EFHC2: variants seen among roughly 807,000 people sequenced by gnomAD.
EFHC2 encodes EF-hand domain containing 2, also known as EF-hand domain-containing family member C2.
EFHC2 carries 18 observed loss-of-function variants against 52.7 expected under a neutral mutation model. That is an observed-to-expected ratio of 0.34 (90% confidence interval 0.24 to 0.51). EFHC2 has a LOEUF of 0.51. EFHC2 is among the 20% of genes least tolerant of loss of function. The pLI, the probability that EFHC2 is intolerant of heterozygous loss-of-function variation, is 0.97. For synonymous variants in EFHC2, 203 were observed against 204.1 expected, an observed-to-expected ratio of 0.99 and a Z score of 0.04; for missense variants, 513 against 562.5, an observed-to-expected ratio of 0.91 and a Z score of 0.89.
intron 11 of EFHC2, among the ~76,000 whole-genome samples, chrX:44,193,033 C>A (rs1439987600): frequency 6.3e-5 from 7 of 110,893 alleles, no homozygotes; most frequent in African/African-American, 2.3e-4. Context: ...TGTGGAATTA[C>A]TGATAGAACA....
intron 11 of EFHC2, among the ~76,000 whole-genome samples, 153 bp downstream of exon 11, chrX:44,229,496 C>T (rs755819272): frequency 8.0e-5 from 9 of 112,042 alleles, no homozygotes; most frequent in Non-Finnish European, 1.7e-4. Context: ...CTAGAGTATT[C>T]GTGGCCAAAA....
intron 4 of EFHC2, among the ~76,000 whole-genome samples, chrX:44,256,887 C>T (rs12009525): frequency 0.13 from 14,262 of 110,535 alleles, 890 homozygotes; most frequent in Admixed American, 0.25. Flanking sequence ...AAGATTGATG[C>T]GAAAATCCTC....
intron 3 of EFHC2, among the ~76,000 whole-genome samples, chrX:44,264,460 C>A (rs1422247071): frequency 2.7e-5 from 3 of 112,049 alleles, no homozygotes; most frequent in South Asian, 3.7e-4. Context: ...AGATCTCAAG[C>A]CCCCCAACTC....
intron 1 of EFHC2, among the ~76,000 whole-genome samples, chrX:44,313,786 T>C (rs912061987): frequency 3.6e-5 from 4 of 110,321 alleles, no homozygotes; most frequent in African/African-American, 1.3e-4. Context: ...AAACCCCATC[T>C]CTACTAAAAA....
At chrX:44,181,717 C>T (rs1490105573) in intron 11 of EFHC2, among the ~76,000 whole-genome samples, 2 of 112,469 alleles carry the variant, frequency 1.8e-5, no homozygotes, top group African/African-American at 3.2e-5. Flanking sequence ...GCTCCTGGAG[C>T]GGCTGCCTGT....
intron 11 of EFHC2, among the ~76,000 whole-genome samples, chrX:44,206,219 G>A (rs915574928): frequency 8.9e-6 from 1 of 111,845 alleles, no homozygotes; most frequent in African/African-American, 3.3e-5. Context: ...AGTAAAAGCA[G>A]TGTTCAGAGG....
chrX:44,308,602 C>T (rs765587090), intron 2 of EFHC2, among the ~76,000 whole-genome samples: 2 of 111,174 alleles, frequency 1.8e-5, no homozygotes, highest in Non-Finnish European at 3.8e-5. Context: ...TCCCACAACA[C>T]TCTACTCAGA....
intron 2 of EFHC2, among the ~76,000 whole-genome samples, chrX:44,305,597 A>C (rs190612345): frequency 6.8e-4 from 77 of 112,709 alleles, no homozygotes; most frequent in African/African-American, 2.4e-3. Context: ...CAAGTGCCTC[A>C]TTTGCCTTAC....
chrX:44,260,091 T>C (rs2037526356), intron 4 of EFHC2, among the ~76,000 whole-genome samples: 1 of 111,579 alleles, frequency 9.0e-6, no homozygotes, highest in Admixed American at 9.6e-5. Context: ...TCTATGGGTA[T>C]AGAAATGAGA....
At chrX:44,227,847 T>A (rs1363755737) in intron 11 of EFHC2, among the ~76,000 whole-genome samples, 1 of 110,977 alleles carries the variant, frequency 9.0e-6, no homozygotes, top group Non-Finnish European at 1.9e-5. Flanking sequence ...AGTCCTAGAG[T>A]GTGCCATGCA....
intron 11 of EFHC2, among the ~76,000 whole-genome samples, chrX:44,194,446 T>G (rs1485398645): frequency 8.9e-6 from 1 of 111,861 alleles, no homozygotes; most frequent in Admixed American, 9.5e-5. Flanking sequence ...TAATGAGAAC[T>G]TGTTCTTGGC....
At chrX:44,260,372 A>T (rs933882095) in intron 4 of EFHC2, among the ~76,000 whole-genome samples, 3 of 112,005 alleles carry the variant, frequency 2.7e-5, no homozygotes, top group Non-Finnish European at 5.6e-5. Flanking sequence ...CAAGGAGATT[A>T]GCTGGGTGTT....
intron 11 of EFHC2, among the ~76,000 whole-genome samples, chrX:44,193,632 C>T (rs1292911108): frequency 8.9e-6 from 1 of 111,895 alleles, no homozygotes; most frequent in Admixed American, 9.5e-5. Context: ...CAGTCCTGGG[C>T]ATTGGTGTGT....
At chrX:44,307,806 T>C (rs967489348) in intron 2 of EFHC2, among the ~76,000 whole-genome samples, 8 of 110,475 alleles carry the variant, frequency 7.2e-5, no homozygotes, top group Non-Finnish European at 1.5e-4. Flanking sequence ...TGGTGGCACA[T>C]ACCTGCAGTC....
chrX:44,179,453 T>A (rs1302542966), intron 11 of EFHC2, among the ~76,000 whole-genome samples: 1 of 111,487 alleles, frequency 9.0e-6, no homozygotes, highest in Admixed American at 9.5e-5. Flanking sequence ...TAGAAAGAGG[T>A]CTTTCAGAAT....
chrX:44,185,328 A>C (rs1355181587), intron 11 of EFHC2, among the ~76,000 whole-genome samples: 1 of 111,978 alleles, frequency 8.9e-6, no homozygotes, highest in Non-Finnish European at 1.9e-5. Flanking sequence ...CTTTTATACA[A>C]TGAATAGATC....
At chrX:44,313,596 GA>G (rs1171256638) in intron 1 of EFHC2, among the ~76,000 whole-genome samples, 2 of 111,759 alleles carry the variant, frequency 1.8e-5, no homozygotes, top group African/African-American at 6.5e-5. Context: ...CCCAATAGCA[GA>G]AAAGATACAT....
intron 10 of EFHC2, 71 bp downstream of exon 10, chrX:44,232,410 C>T (rs1469082765): frequency 3.6e-6 from 3 of 833,436 alleles, no homozygotes; most frequent in Non-Finnish European, 3.2e-6. Flanking sequence ...GAAGAAAAGG[C>T]CCTAGAGAAA....
chrX:44,154,304 G>A (rs185229137), intron 14 of EFHC2, among the ~76,000 whole-genome samples: 1 of 112,785 alleles, frequency 8.9e-6, no homozygotes, highest in East Asian at 2.8e-4. Flanking sequence ...TTCAAGAGCA[G>A]CCCTCAAACA....
Sources: allele counts gnomAD v4.1 joint callset (sites outside exome capture counted in the v4.1 genomes callset), GRCh38; gene constraint gnomAD v4.1.1; transcripts MANE v1.5; gene names NCBI Gene and HGNC (gene_info 2026-07-23, HGNC 2026-07-21).